Variants in CUBN observed in about 807,000 individuals in gnomAD.
CUBN encodes cubilin, also known as 460 kDa receptor.
A neutral mutation model predicts 405.3 loss-of-function variants in CUBN; 282 were observed. That is an observed-to-expected ratio of 0.70 (90% CI 0.63 to 0.77). The LOEUF (loss-of-function observed/expected upper bound fraction) is 0.77, where lower values mean the gene tolerates loss of function less well. Among genes scored for constraint, CUBN ranks in the 30% least tolerant of loss-of-function variants. The probability of loss-of-function intolerance (pLI) is 0.00; values close to 1 mark genes in which losing one functional copy is unlikely to be tolerated. For synonymous variants in CUBN, 1,684 were observed against 1,617.0 expected (o/e 1.04, Z -0.99); for missense variants, 4,514 against 4,475.2 (o/e 1.01, Z -0.25).
chr10:16,845,446 A>T (rs2131327970), intron 60 of CUBN, among the ~76,000 whole-genome samples: 1 of 152,316 alleles, frequency 6.6e-6, no homozygotes, highest in Admixed American at 6.5e-5. Flanking sequence ...ATAATTTAGT[A>T]TGGGAAGAAG....
intron 1 of CUBN, 113 bp downstream of exon 1, chr10:17,129,531 C>A: frequency 7.3e-7 from 1 of 1,375,516 alleles, no homozygotes; most frequent in South Asian, 1.2e-5. Flanking sequence ...CTGTTTGCTT[C>A]TCAACATAAT....
At position 16,876,930 on chromosome 10, in the gene CUBN, CTG is replaced by C; in HGVS notation, c.9071_9072del (p.Thr3024ArgfsTer9). 6.2e-7 allele frequency: 1 copy of C among 1,614,130 alleles called. No individual in the cohort carries two copies. Among genetic ancestry groups the C allele is most frequent in the Non-Finnish European group, 8.5e-7 (1 of 1,180,012 alleles). ...CTATAGGAAAACTTGAATCCGAAGT[CTG>C]TGATTTGCTCGTTGGAGTAGAAGTT... Reference protein sequence around the residue: ...LLNFYSNEQITDFGFKFSYRI... With the variant: ...LLNFYSNEQIXDFGFKFSYRI... On this transcript the variant is annotated frameshift_variant, in exon 57 of 67. Coordinates refer to ENST00000377833, the MANE Select transcript of CUBN (RefSeq NM_001081.4). LOFTEE classifies it high-confidence loss of function.
At chr10:16,990,981 G>T (rs1833568359) in intron 28 of CUBN, among the ~76,000 whole-genome samples, 1 of 152,090 alleles carries the variant, frequency 6.6e-6, no homozygotes. Flanking sequence ...AGAATTTTAA[G>T]GGCTAAAAAT....
intron 65 of CUBN, among the ~76,000 whole-genome samples, chr10:16,829,344 A>AG (rs1838900335): frequency 7.3e-6 from 1 of 137,118 alleles, no homozygotes; most frequent in East Asian, 1.9e-4. Context: ...GCAGAATGGA[A>AG]AAAAAAAAAA....
intron 60 of CUBN, 100 bp from the exon 61 acceptor site, chr10:16,841,147 T>G: frequency 1.1e-6 from 1 of 943,050 alleles, no homozygotes; most frequent in Non-Finnish European, 1.7e-6. Context: ...CGGTAAACAT[T>G]TTTACATTGA....
At chr10:16,924,904 C>T (rs1039598148) in intron 43 of CUBN, among the ~76,000 whole-genome samples, 27 of 151,840 alleles carry the variant, frequency 1.8e-4, no homozygotes, top group African/African-American at 1.9e-4. Flanking sequence ...AATTAACTTA[C>T]AATTAGACAT....
chr10:16,873,380 G>A (rs1019741662), intron 58 of CUBN, among the ~76,000 whole-genome samples: 1 of 152,134 alleles, frequency 6.6e-6, no homozygotes, highest in African/African-American at 2.4e-5. Context: ...TCAGTTTAGA[G>A]GTGTTCTGAC....
In CUBN at chr10:17,115,714, G is replaced by A. The variant is rs759309854; in HGVS notation, c.594-117C>T. ...AAATCAACGATGTTAACTTGGAATC[G>A]TCAGCCAGCAATGCAAATTTACTGA... On this transcript the variant is annotated intron_variant, in intron 6 of 66. Coordinates refer to ENST00000377833, the MANE Select transcript of CUBN (RefSeq NM_001081.4). 9.9e-5 allele frequency: 129 copies of A among 1,307,160 alleles called. 1 individual carries two copies. Among genetic ancestry groups the A allele is most frequent in the South Asian group, 9.7e-4 (80 of 82,370 alleles). 81.0% of individuals were successfully genotyped at this position (1,307,160 alleles called of 1,614,324 possible).
intron 28 of CUBN, among the ~76,000 whole-genome samples, chr10:17,013,658 G>A (rs56148575): frequency 0.12 from 18,155 of 152,166 alleles, 1,203 homozygotes; most frequent in Middle Eastern, 0.19. Context: ...ATTGCAGCAC[G>A]GGCATGTAGG....
At chr10:17,009,162 A>C (rs1165922887) in intron 28 of CUBN, among the ~76,000 whole-genome samples, 1 of 152,244 alleles carries the variant, frequency 6.6e-6, no homozygotes, top group Non-Finnish European at 1.5e-5. Context: ...ATTCCTTTCC[A>C]GAAGTTTCCT....
Position 16,913,888 on chromosome 10 carries a change from C to G in CUBN, c.7456G>C (p.Glu2486Gln). Residue 2486 changes from glutamate to glutamine, a missense_variant, in exon 48 of 67, where the codon GAG becomes CAG. By Grantham distance (29) the Glu-to-Gln change is conservative. This residue lies in a region of CUBN where 1,613 missense variants were observed against 1,542.8 expected (regional missense o/e 1.05). Coordinates refer to ENST00000377833, the MANE Select transcript of CUBN (RefSeq NM_001081.4). ...RICEWRITAPEGRRITLMFNN... is the reference protein window; with the variant it reads ...RICEWRITAPQGRRITLMFNN... The stretch of plus-strand genomic sequence containing the variant: ...AACATTAGGGTGATCCGCCTTCCCT[C>G]CGGGGCAGTGATTCTCCACTCGCAG... 1 of 1,614,144 alleles carries G rather than the reference C, an allele frequency of 6.2e-7. No homozygotes were observed. The highest frequency in any genetic ancestry group is 8.5e-7 in the Non-Finnish European group (1 of 1,180,034).
chr10:16,836,861 T>A (rs1839186760), intron 62 of CUBN, among the ~76,000 whole-genome samples: 2 of 152,182 alleles, frequency 1.3e-5, no homozygotes, highest in South Asian at 4.1e-4. Context: ...CCGGGGCCTG[T>A]CATGAGGTAC....
In CUBN at chr10:17,115,485, C is replaced by T; in HGVS notation, c.706G>A (p.Glu236Lys). The change falls in exon 7 of 67, where the codon GAG (glutamate) becomes AAG (lysine). Residue 236 changes from glutamate (E) to lysine (K), a missense_variant. Glu to Lys is a moderately conservative substitution (Grantham distance 56, BLOSUM62 1). Coordinates refer to ENST00000377833, the MANE Select transcript of CUBN (RefSeq NM_001081.4). ...VHGICEDLMR[E>K]QAGEPKYSCV... ...AAGGGACCCACCTCTCCAGCTTGCT[C>T]TCGCATTAAATCCTCACAGATGCCA... The T allele has an allele frequency of 6.2e-7, 1 of 1,614,050 alleles. No individual in the cohort carries two copies.
rs78125159 is a variant in CUBN, at chr10:16,937,460, T to C, written c.5926+132A>G. On this transcript the variant is annotated intron_variant, in intron 39 of 66. Transcript: ENST00000377833. ...TAGTGTTTATGAATTTAAAACAACA[T>C]CTGAACATATGGTGGAAGGGCTTTG... The C allele has an allele frequency of 4.4e-3, 3,225 of 726,178 alleles. 70 individuals are homozygous for C. In the African/African-American group the frequency reaches 0.05, roughly 11 times the overall value. 45.0% of individuals were successfully genotyped at this position (726,178 alleles called of 1,614,324 possible).
chr10:16,857,506 C>T (rs1447549077), intron 59 of CUBN, among the ~76,000 whole-genome samples: 1 of 152,088 alleles, frequency 6.6e-6, no homozygotes, highest in East Asian at 1.9e-4. Flanking sequence ...ACATCATTAG[C>T]CCCAGGGCAT....
intron 58 of CUBN, among the ~76,000 whole-genome samples, chr10:16,872,349 C>CATTAT (rs1554785651): frequency 6.7e-6 from 1 of 148,990 alleles, no homozygotes; most frequent in African/African-American, 2.5e-5. Flanking sequence ...TGTATACATA[C>CATTAT]ATATATATAT....
At chr10:17,085,787 T>C in intron 15 of CUBN, 28 bp from the exon 16 acceptor site, 2 of 1,606,448 alleles carry the variant, frequency 1.2e-6, no homozygotes, top group South Asian at 2.2e-5. Flanking sequence ...ATCATTAAGC[T>C]CAAAGTGGTC....
chr10:16,856,640 T>C (rs11818048), intron 59 of CUBN, among the ~76,000 whole-genome samples: 6,026 of 152,240 alleles, frequency 0.04, 394 homozygotes, highest in African/African-American at 0.14. Flanking sequence ...ATTTGGAGAA[T>C]TGACATTTTT....
At chr10:16,971,296 G>T (rs7079269) in intron 31 of CUBN, among the ~76,000 whole-genome samples, 1 of 152,070 alleles carries the variant, frequency 6.6e-6, no homozygotes. Flanking sequence ...TACGTTTCCC[G>T]TCCAGTGTCC....
Sources: gnomAD v4.1 joint callset for allele counts (sites outside exome capture counted in the v4.1 genomes callset) on GRCh38, gnomAD v4.1.1 for gene constraint, gnomAD v4.1.1 regional missense constraint, MANE v1.5 for transcripts, NCBI Gene and HGNC (gene_info 2026-07-23, HGNC 2026-07-21) for gene names.